The following PRKG1 variants were observed in gnomAD, a reference collection of about 807,000 sequenced individuals.
The protein encoded by PRKG1 is protein kinase cGMP-dependent 1.
A neutral mutation model predicts 88.1 loss-of-function variants in PRKG1; 35 were observed. The observed-to-expected ratio is 0.40, with a 90% CI of 0.30 to 0.53. The LOEUF (loss-of-function observed/expected upper bound fraction) is 0.53. PRKG1 is among the 20% of genes least tolerant of loss of function. PRKG1 has a pLI of 0.59. For synonymous variants in PRKG1, 303 were observed against 292.5 expected (o/e 1.04, Z -0.37); for missense variants, 540 against 839.8 (o/e 0.64, Z 4.41).
intron 1 of PRKG1, among the ~76,000 whole-genome samples, chr10:51,135,388 G>C (rs1845663184): frequency 6.6e-6 from 1 of 152,058 alleles, no homozygotes; most frequent in African/African-American, 2.4e-5. Context: ...AGGAAAATGG[G>C]GCACGGAGTA....
At chr10:51,384,839 A>C (rs1837210601) in intron 2 of PRKG1, among the ~76,000 whole-genome samples, 1 of 152,190 alleles carries the variant, frequency 6.6e-6, no homozygotes, top group African/African-American at 2.4e-5. Flanking sequence ...CTACACATGA[A>C]ATAGCTGTTG....
chr10:51,668,657 G>A (rs1244805367), intron 3 of PRKG1, among the ~76,000 whole-genome samples: 1 of 152,002 alleles, frequency 6.6e-6, no homozygotes, highest in African/African-American at 2.4e-5. Flanking sequence ...AATCATTAGA[G>A]CCATCATTTT....
At chr10:51,033,428 G>C (rs1428965132) in intron 1 of PRKG1, among the ~76,000 whole-genome samples, 1 of 152,116 alleles carries the variant, frequency 6.6e-6, no homozygotes, top group Non-Finnish European at 1.5e-5. Flanking sequence ...GTAAGTGATG[G>C]AGCCACAATT....
At chr10:51,066,044 A>G (rs1220114978) in intron 1 of PRKG1, among the ~76,000 whole-genome samples, 1 of 152,066 alleles carries the variant, frequency 6.6e-6, no homozygotes, top group Non-Finnish European at 1.5e-5. Flanking sequence ...TAGGGCTAGG[A>G]TTTGAAGGCA....
intron 2 of PRKG1, among the ~76,000 whole-genome samples, chr10:51,339,336 T>A (rs917597487): frequency 6.6e-6 from 1 of 152,056 alleles, no homozygotes; most frequent in African/African-American, 2.4e-5. Context: ...CTAGAAAGGT[T>A]CACCAGAAAG....
intron 5 of PRKG1, among the ~76,000 whole-genome samples, chr10:51,974,911 G>A (rs987297063): frequency 1.3e-5 from 2 of 152,064 alleles, no homozygotes; most frequent in Non-Finnish European, 2.9e-5. Context: ...TAGTGACAGA[G>A]AGTATATTGG....
intron 5 of PRKG1, among the ~76,000 whole-genome samples, chr10:51,974,830 A>G (rs962670312): frequency 6.6e-6 from 1 of 152,122 alleles, no homozygotes; most frequent in African/African-American, 2.4e-5. Context: ...TTTCTAAAAG[A>G]TAATAAGGCC....
intron 3 of PRKG1, among the ~76,000 whole-genome samples, chr10:51,500,728 T>C (rs146509330): frequency 6.6e-6 from 1 of 152,296 alleles, no homozygotes; most frequent in East Asian, 1.9e-4. Context: ...TCCCTTTACA[T>C]TGGCTCACTT....
rs1399739091 is a variant in PRKG1 at position 51,097,909 on chromosome 10, G to A, written c.311+23008G>A. Among the ~76,000 whole-genome samples, 4 of 150,990 alleles carry A rather than the reference G, an allele frequency of 2.6e-5. No homozygotes were observed. The South Asian group carries it at 6.3e-4, about 24-fold the overall frequency. On this transcript the variant is annotated intron_variant, in intron 1 of 17. Transcript: ENST00000373980. ...TGATTCTTGAGAAATGATAGGTCTT[G>A]GGCTAGCTTTTCTGGATCTCCTCCA... is the stretch of plus-strand genomic sequence containing the variant.
At chr10:51,611,638 G>T (rs1419555245) in intron 3 of PRKG1, among the ~76,000 whole-genome samples, 2 of 149,990 alleles carry the variant, frequency 1.3e-5, no homozygotes, top group African/African-American at 4.9e-5. Context: ...ATTTAATATA[G>T]TCCCATTTGT....
intron 3 of PRKG1, among the ~76,000 whole-genome samples, chr10:51,794,590 A>G (rs1003110683): frequency 6.6e-6 from 1 of 152,108 alleles, no homozygotes; most frequent in African/African-American, 2.4e-5. Context: ...TTATTAATAC[A>G]TTGTATTCTT....
intron 4 of PRKG1, among the ~76,000 whole-genome samples, chr10:51,883,922 C>A (rs1360691433): frequency 6.7e-6 from 1 of 148,726 alleles, no homozygotes. Flanking sequence ...AAATTGTGTT[C>A]TTCAATTATT....
intron 2 of PRKG1, among the ~76,000 whole-genome samples, chr10:51,358,636 G>A (rs1842415698): frequency 2.6e-5 from 4 of 151,924 alleles, no homozygotes; most frequent in Admixed American, 2.0e-4. Flanking sequence ...AGACAAGGAG[G>A]AGGCTGATAG....
chr10:52,051,130 A>G (rs1845978793), intron 5 of PRKG1, among the ~76,000 whole-genome samples: 1 of 152,196 alleles, frequency 6.6e-6, no homozygotes, highest in African/African-American at 2.4e-5. Context: ...TCATTTTAAT[A>G]TATTACAAAT....
chr10:51,183,466 G>A (rs941104520), intron 2 of PRKG1, among the ~76,000 whole-genome samples: 1 of 152,110 alleles, frequency 6.6e-6, no homozygotes, highest in Non-Finnish European at 1.5e-5. Flanking sequence ...TGAACATCTA[G>A]CACCATTTCT....
intron 4 of PRKG1, among the ~76,000 whole-genome samples, chr10:51,818,829 A>C (rs1474992356): frequency 9.1e-6 from 1 of 109,534 alleles, no homozygotes; most frequent in Non-Finnish European, 1.7e-5. Flanking sequence ...AAAACAGTGA[A>C]ACCCCGTCTC....
At chr10:51,131,011 T>A (rs555359543) in intron 1 of PRKG1, among the ~76,000 whole-genome samples, 3 of 152,230 alleles carry the variant, frequency 2.0e-5, no homozygotes, top group African/African-American at 7.2e-5. Flanking sequence ...AGGATGAAAA[T>A]GAGTTTTATT....
intron 2 of PRKG1, among the ~76,000 whole-genome samples, chr10:51,432,251 T>C (rs1185762330): frequency 6.6e-6 from 1 of 152,184 alleles, no homozygotes; most frequent in Non-Finnish European, 1.5e-5. Context: ...TGTATTAATA[T>C]CCCTCTTATT....
intron 10 of PRKG1, among the ~76,000 whole-genome samples, chr10:52,260,982 TTAAAAA>T (rs1841420043): frequency 6.6e-6 from 1 of 151,574 alleles, no homozygotes; most frequent in Non-Finnish European, 1.5e-5. Flanking sequence ...CACAGTATAA[TTAAAAA>T]TAAGAAATTA....
Sources: allele counts gnomAD v4.1 joint callset (sites outside exome capture counted in the v4.1 genomes callset), GRCh38; gene constraint gnomAD v4.1.1; transcripts MANE v1.5; gene names NCBI Gene and HGNC (gene_info 2026-07-23, HGNC 2026-07-21).